Variants in FUBP3 observed in about 807,000 individuals in gnomAD.
The protein encoded by FUBP3 is far upstream element-binding protein 3.
Under a neutral mutation model 85.6 loss-of-function variants are expected in FUBP3, and 28 were observed. That is an observed-to-expected ratio of 0.33 (90% confidence interval 0.24 to 0.45). The LOEUF is 0.45. FUBP3 is among the 20% of genes least tolerant of loss of function. FUBP3 has a pLI of 1.00. For synonymous variants in FUBP3, 271 were observed against 271.4 expected (o/e 1.00, Z 0.01); for missense variants, 583 against 755.1 (o/e 0.77, Z 2.67).
At chr9:130,609,762 G>A (rs2119065533) in intron 2 of FUBP3, among the ~76,000 whole-genome samples, 192 bp from the exon 3 acceptor site, 1 of 152,348 alleles carries the variant, frequency 6.6e-6, no homozygotes, top group African/African-American at 2.4e-5. Context: ...GTTACAGACT[G>A]TGTTGATCAA....
intron 1 of FUBP3, among the ~76,000 whole-genome samples, chr9:130,590,125 G>A (rs1378777284): frequency 7.4e-6 from 1 of 135,860 alleles, no homozygotes; most frequent in African/African-American, 2.8e-5. Flanking sequence ...AACTAAGTCA[G>A]TATCATAAGT....
In FUBP3 at chr9:130,616,432, ACAG is replaced by A. The variant is rs1317730438; in HGVS notation, c.485_487del (p.Ser162del). On this transcript the variant is annotated inframe_deletion, in exon 7 of 19. Coordinates refer to ENST00000319725, the MANE Select transcript of FUBP3 (RefSeq NM_003934.2). The surrounding 1 kb of genome is among the most constrained non-coding windows in gnomAD (Gnocchi z 4.7). ...GGCTTTCATAATGACATAGACAGCA[ACAG>A]CACAATCCAGGAGATTCTCATTCCC... The A allele has an allele frequency of 6.2e-7, 1 of 1,614,052 alleles. No homozygotes were observed. The highest frequency in any genetic ancestry group is 1.1e-5 in the South Asian group (1 of 91,082).
rs1296363965 is a variant in FUBP3, at chr9:130,637,348, G to A, written c.*326G>A. 1.7e-5 allele frequency: 5 copies of A among 300,772 alleles called. No homozygotes were observed. The highest frequency in any genetic ancestry group is 2.5e-5 in the Non-Finnish European group (4 of 159,256). 18.6% of individuals were successfully genotyped at this position (300,772 alleles called of 1,614,324 possible). On this transcript the variant is annotated 3_prime_UTR_variant, in exon 19 of 19. Coordinates refer to ENST00000319725, the MANE Select transcript of FUBP3 (RefSeq NM_003934.2). Reference sequence around the variant, plus strand: ...GATGGTTTTGGTTTGGTTTGGTTTTGTGTCCTTTTTATTTGCAGTTTTTTC... The same window carrying A: ...GATGGTTTTGGTTTGGTTTGGTTTTATGTCCTTTTTATTTGCAGTTTTTTC...
intron 1 of FUBP3, among the ~76,000 whole-genome samples, chr9:130,586,062 G>T (rs1348119574): frequency 1.3e-5 from 2 of 152,054 alleles, no homozygotes; most frequent in African/African-American, 4.8e-5. Context: ...GCAGTGGCAC[G>T]ATCACAGCTC....
intron 8 of FUBP3, among the ~76,000 whole-genome samples, chr9:130,618,843 A>G (rs1832146720): frequency 6.6e-6 from 1 of 152,162 alleles, no homozygotes; most frequent in Non-Finnish European, 1.5e-5. Flanking sequence ...TAAGCTGGTC[A>G]AGGTACACCT....
chr9:130,636,384 C>G (rs1354072138), intron 18 of FUBP3, among the ~76,000 whole-genome samples: 1 of 152,274 alleles, frequency 6.6e-6, no homozygotes, highest in Non-Finnish European at 1.5e-5. Flanking sequence ...GAACTTTCCT[C>G]AAGTCCAGGC....
intron 2 of FUBP3, chr9:130,596,693 T>G (rs1247753222): frequency 1.3e-5 from 6 of 447,478 alleles, no homozygotes; most frequent in Non-Finnish European, 2.8e-5. Context: ...TTCATAGACT[T>G]GTTTGCAAAT....
intron 14 of FUBP3, 102 bp downstream of exon 14, chr9:130,631,732 G>A (rs1377304034): frequency 2.0e-6 from 2 of 989,902 alleles, no homozygotes; most frequent in Non-Finnish European, 3.2e-6. Context: ...AAGGCCTGAA[G>A]TTCTGGGCGT....
At position 130,595,573 on chromosome 9, in the gene FUBP3, C is replaced by T; in HGVS notation, c.175C>T (p.Pro59Ser). The part of the protein sequence containing the change: ...SVYGYGVQKR[P>S]LDDGVGNQLG... Reference sequence around the variant, plus strand: ...ATATGGATACGGAGTACAAAAACGGCCCTTGGATGATGGAGGTAAGTTGCC... The same window carrying T: ...ATATGGATACGGAGTACAAAAACGGTCCTTGGATGATGGAGGTAAGTTGCC... Residue 59 changes from proline to serine, a missense_variant, in exon 2 of 19, where the codon CCC becomes TCC. Transcript: ENST00000319725. The T allele has an allele frequency of 6.6e-6, 10 of 1,507,086 alleles. No homozygotes were observed. Among genetic ancestry groups the T allele is most frequent in the Non-Finnish European group, 9.2e-6 (10 of 1,082,216 alleles). The allele number at this position is 1,507,086 out of a possible 1,614,324, so 93.4% of individuals were successfully genotyped here.
Position 130,612,830 on chromosome 9 carries a change from CG to C in FUBP3, c.275-121del. The C allele has an allele frequency of 2.9e-6, 2 of 699,636 alleles. No individual in the cohort carries two copies. Among genetic ancestry groups the C allele is most frequent in the Non-Finnish European group, 5.0e-6 (2 of 397,234 alleles). The allele number at this position is 699,636 out of a possible 1,614,324, so 43.3% of individuals were successfully genotyped here. The stretch of plus-strand genomic sequence containing the variant: ...TGCCCAAAGAGTGGAGATGGGCTCA[CG>C]GGGGCCAACTCGATGTGTAGTATTG... On this transcript the variant is annotated intron_variant, in intron 4 of 18. Coordinates refer to ENST00000319725, the MANE Select transcript of FUBP3 (RefSeq NM_003934.2). The surrounding 1 kb of genome is among the most constrained non-coding windows in gnomAD (Gnocchi z 4.1).
intron 15 of FUBP3, 88 bp from the exon 16 acceptor site, chr9:130,632,114 C>A: frequency 6.9e-7 from 1 of 1,458,402 alleles, no homozygotes. Flanking sequence ...TGATGCTTGG[C>A]TGGGGTGAGG....
intron 16 of FUBP3, 47 bp from the exon 17 acceptor site, chr9:130,634,620 C>T (rs757665779): frequency 3.3e-5 from 50 of 1,526,988 alleles, no homozygotes; most frequent in Non-Finnish European, 4.5e-5. Flanking sequence ...GGGGCCGAGG[C>T]TGTGAGGAGC....
chr9:130,619,306 T>G (rs1377102063), intron 8 of FUBP3, among the ~76,000 whole-genome samples: 2 of 149,130 alleles, frequency 1.3e-5, no homozygotes, highest in East Asian at 3.9e-4. Context: ...ATATTTCATT[T>G]TTTTTTTTTT....
At chr9:130,600,342 T>C (rs1048318855) in intron 2 of FUBP3, among the ~76,000 whole-genome samples, 10 of 152,088 alleles carry the variant, frequency 6.6e-5, no homozygotes, top group African/African-American at 2.4e-4. Context: ...CATGCTCAAG[T>C]TCTCCCATGT....
At chr9:130,580,873 T>G (rs1830105686) in intron 1 of FUBP3, 1 of 152,220 alleles carries the variant, frequency 6.6e-6, no homozygotes, top group Non-Finnish European at 1.5e-5. Flanking sequence ...ATCTGATGAA[T>G]TGTTACTTTA....
chr9:130,621,424 C>T (rs1373735401), intron 9 of FUBP3, among the ~76,000 whole-genome samples: 1 of 152,282 alleles, frequency 6.6e-6, no homozygotes, highest in African/African-American at 2.4e-5. Flanking sequence ...CCCAGGAGAT[C>T]GAGGCTGTAG....
intron 2 of FUBP3, among the ~76,000 whole-genome samples, chr9:130,602,042 C>T (rs1831181566): frequency 6.6e-6 from 1 of 152,114 alleles, no homozygotes; most frequent in Admixed American, 6.5e-5. Context: ...CCTCGTGATC[C>T]ACCTGCCTCG....
chr9:130,632,268 G>T lies in FUBP3; in HGVS notation c.1500G>T (p.Gln500His). ...STYQAWQQPTQQVPSQQSQPQ... is the reference protein window; with the variant it reads ...STYQAWQQPTHQVPSQQSQPQ... ...ACCAGGCGTGGCAGCAGCCCACACA[G>T]CAGGTCCCAAGTAAGTGACTCGGGG... Residue 500 changes from glutamine (Q) to histidine (H), a missense_variant, in exon 16 of 19, where the codon CAG becomes CAT. By Grantham distance (24) the Gln-to-His change is conservative. Coordinates refer to ENST00000319725, the MANE Select transcript of FUBP3 (RefSeq NM_003934.2). 6.2e-7 allele frequency: 1 copy of T among 1,613,222 alleles called. No individual in the cohort carries two copies. Among genetic ancestry groups the T allele is most frequent in the Non-Finnish European group, 8.5e-7 (1 of 1,179,456 alleles).
intron 9 of FUBP3, 22 bp from the exon 10 acceptor site, chr9:130,622,686 G>A (rs1829808919): frequency 8.2e-7 from 1 of 1,221,912 alleles, no homozygotes; most frequent in Non-Finnish European, 1.2e-6. Context: ...GTTCTGATGT[G>A]GTTTGGTTTC....
Sources: allele counts gnomAD v4.1 joint callset (sites outside exome capture counted in the v4.1 genomes callset), GRCh38; gene constraint gnomAD v4.1.1; non-coding constraint Gnocchi (gnomAD v3.1); transcripts MANE v1.5; gene names NCBI Gene and HGNC (gene_info 2026-07-23, HGNC 2026-07-21).